Variants in PDE11A observed in about 807,000 individuals in gnomAD.
PDE11A encodes the protein phosphodiesterase 11A.
A neutral mutation model predicts 100.5 loss-of-function variants in PDE11A; 100 were observed. The ratio of observed to expected loss-of-function variants is 1.00; its 90% CI spans 0.85 to 1.18. The LOEUF is 1.18. PDE11A is among the 50% of genes most tolerant of loss of function. The pLI is 0.00. For synonymous variants in PDE11A, 381 were observed against 420.8 expected (o/e 0.91, Z 1.16); for missense variants, 1,141 against 1,152.6 (o/e 0.99, Z 0.15).
At chr2:177,787,727 G>A (rs1471811909) in intron 9 of PDE11A, among the ~76,000 whole-genome samples, 1 of 150,714 alleles carries the variant, frequency 6.6e-6, no homozygotes, top group Non-Finnish European at 1.5e-5. Context: ...AAATAGGCAG[G>A]GGTTGCAATC....
At chr2:177,952,617 C>A (rs180902037) in intron 2 of PDE11A, among the ~76,000 whole-genome samples, 1 of 152,088 alleles carries the variant, frequency 6.6e-6, no homozygotes, top group East Asian at 1.9e-4. Flanking sequence ...TGTCAGAAAC[C>A]CATATCCTTC....
At chr2:177,641,461 G>A (rs914833479) in intron 19 of PDE11A, among the ~76,000 whole-genome samples, 12 of 150,196 alleles carry the variant, frequency 8.0e-5, no homozygotes, top group Admixed American at 5.3e-4. Flanking sequence ...CACATGGTGC[G>A]TTTGGCAGGA....
intron 1 of PDE11A, among the ~76,000 whole-genome samples, chr2:178,030,390 T>C (rs571280326): frequency 6.6e-6 from 1 of 152,160 alleles, no homozygotes; most frequent in South Asian, 2.1e-4. Flanking sequence ...ATCAGTACTT[T>C]AAAATATTCC....
intron 5 of PDE11A, among the ~76,000 whole-genome samples, chr2:177,862,640 T>G (rs544302957): frequency 6.6e-6 from 1 of 151,924 alleles, no homozygotes; most frequent in South Asian, 2.1e-4. Flanking sequence ...AGGTGAAAGA[T>G]CTGTACACTG....
intron 2 of PDE11A, among the ~76,000 whole-genome samples, chr2:177,952,023 A>G (rs1456415293): frequency 6.6e-6 from 1 of 152,168 alleles, no homozygotes; most frequent in Non-Finnish European, 1.5e-5. Context: ...TGTCATTTAC[A>G]TTAGGTATTT....
intron 2 of PDE11A, among the ~76,000 whole-genome samples, chr2:177,910,445 T>C (rs201635970): frequency 2.2e-3 from 243 of 111,310 alleles, no homozygotes; most frequent in African/African-American, 6.6e-3. Flanking sequence ...TATATATATA[T>C]ACACACACAC....
At chr2:177,695,534 TC>T (rs1257194163) in intron 15 of PDE11A, among the ~76,000 whole-genome samples, 1 of 152,154 alleles carries the variant, frequency 6.6e-6, no homozygotes, top group Non-Finnish European at 1.5e-5. Context: ...ACTCCTAGCT[TC>T]TAAGTGCTTG....
chr2:177,806,318 A>G (rs756178948), intron 9 of PDE11A, among the ~76,000 whole-genome samples: 1 of 152,220 alleles, frequency 6.6e-6, no homozygotes, highest in African/African-American at 2.4e-5. Flanking sequence ...CAGTTACTCA[A>G]TGCAGCCTGG....
chr2:178,102,456 T>TTTTA (rs1491163774), intron 2 of PDE11A, among the ~76,000 whole-genome samples: 5 of 99,964 alleles, frequency 5.0e-5, no homozygotes, highest in African/African-American at 1.9e-4. Flanking sequence ...TTTTTTTTTT[T>TTTTA]AGAGATGGGG....
At chr2:178,073,083 G>A (rs1426796685), upstream of PDE11A, 1 of 985,372 alleles carries the variant, frequency 1.0e-6, no homozygotes, top group Non-Finnish European at 1.2e-6. Flanking sequence ...GCGTTTCGAG[G>A]AGGCCCAGCG....
chr2:177,825,043 G>T (rs1265036538), intron 6 of PDE11A, among the ~76,000 whole-genome samples: 1 of 152,116 alleles, frequency 6.6e-6, no homozygotes, highest in Admixed American at 6.6e-5. Context: ...GAACTTAGGG[G>T]GAGCAGCAGT....
chr2:177,687,418 G>A (rs973613982), intron 15 of PDE11A: 17 of 152,032 alleles, frequency 1.1e-4, no homozygotes, highest in African/African-American at 2.2e-4. Flanking sequence ...ATACAAATAC[G>A]GTCATCATAG....
At chr2:178,057,854 C>A (rs1172313379) in intron 1 of PDE11A, among the ~76,000 whole-genome samples, 1 of 152,034 alleles carries the variant, frequency 6.6e-6, no homozygotes, top group Non-Finnish European at 1.5e-5. Context: ...CCTAGCTCAG[C>A]ATTATTTTAT....
intron 19 of PDE11A, among the ~76,000 whole-genome samples, chr2:177,653,509 A>G (rs949057846): frequency 2.0e-5 from 3 of 152,198 alleles, no homozygotes; most frequent in Non-Finnish European, 4.4e-5. Context: ...GAATGTGGCC[A>G]TGTTTGGAAA....
chr2:177,631,198 C>A (rs2079913218), intron 19 of PDE11A, among the ~76,000 whole-genome samples: 1 of 150,570 alleles, frequency 6.6e-6, no homozygotes, highest in Non-Finnish European at 1.5e-5. Flanking sequence ...GTAATCCCAG[C>A]ACTTTAGGAG....
intron 2 of PDE11A, among the ~76,000 whole-genome samples, chr2:177,933,734 ACTATACTACAAGG>A (rs1277003773): frequency 6.6e-6 from 1 of 152,144 alleles, no homozygotes; most frequent in Non-Finnish European, 1.5e-5. Context: ...ACACTATCAG[ACTATACTACAAGG>A]CTATAGTAAT....
intron 6 of PDE11A, among the ~76,000 whole-genome samples, chr2:177,824,290 G>A (rs2083193389): frequency 6.6e-6 from 1 of 152,210 alleles, no homozygotes; most frequent in East Asian, 1.9e-4. Flanking sequence ...CAATCTTGGA[G>A]TCACCAGTCC....
intron 1 of PDE11A, among the ~76,000 whole-genome samples, chr2:178,057,915 A>G (rs767992838): frequency 7.9e-5 from 12 of 151,978 alleles, no homozygotes; most frequent in African/African-American, 1.2e-4. Context: ...TGGAGTGCAG[A>G]GGCGTGATCT....
At chr2:177,703,512 A>T (rs1235242297) in intron 13 of PDE11A, among the ~76,000 whole-genome samples, 3 of 152,206 alleles carry the variant, frequency 2.0e-5, no homozygotes, top group Non-Finnish European at 4.4e-5. Context: ...ATGAAAGAAG[A>T]TTTCAAAATC....
Sources: allele counts gnomAD v4.1 joint callset (sites outside exome capture counted in the v4.1 genomes callset), GRCh38; gene constraint gnomAD v4.1.1; transcripts MANE v1.5; gene names NCBI Gene and HGNC (gene_info 2026-07-23, HGNC 2026-07-21).